Variants in CES5A observed in about 807,000 individuals in gnomAD.
CES5A encodes carboxylesterase 5.
Under a neutral mutation model 62.9 loss-of-function variants are expected in CES5A, and 67 were observed. The ratio of observed to expected loss-of-function variants is 1.07; its 90% CI spans 0.88 to 1.31. The LOEUF is 1.31. Among genes scored for constraint, CES5A ranks in the 50% most tolerant of loss-of-function variants. The pLI, the probability that CES5A is intolerant of heterozygous loss-of-function variation, is 0.00. For synonymous variants in CES5A, 296 were observed against 280.8 expected (o/e 1.05, Z -0.54); for missense variants, 748 against 708.5 (o/e 1.06, Z -0.63).
upstream of CES5A, among the ~76,000 whole-genome samples, chr16:55,879,863 G>A: frequency 6.6e-6 from 1 of 152,224 alleles, no homozygotes; most frequent in Non-Finnish European, 1.5e-5. Context: ...AAAGCTCTGG[G>A]ATTACAGGGG....
chr16:55,869,335 T>A (rs77337886), intron 4 of CES5A: 1 of 366,244 alleles, frequency 2.7e-6, no homozygotes, highest in East Asian at 6.5e-5. Flanking sequence ...CAAGATGTGA[T>A]GAGCCAGATC....
intron 11 of CES5A, among the ~76,000 whole-genome samples, 187 bp downstream of exon 11, chr16:55,849,437 C>G (rs1173431152): frequency 2.0e-5 from 3 of 152,100 alleles, no homozygotes; most frequent in Non-Finnish European, 4.4e-5. Context: ...CATCAAGCAA[C>G]TGTCATGGCA....
At chr16:55,890,205 TAAG>T (rs1228645566) in intron 1 of CES5A, among the ~76,000 whole-genome samples, 2 of 150,906 alleles carry the variant, frequency 1.3e-5, no homozygotes, top group Non-Finnish European at 3.0e-5. Flanking sequence ...GCAGAAAGCT[TAAG>T]AAGAATTCCA....
At chr16:55,885,907 T>C (rs2033810659) in intron 1 of CES5A, among the ~76,000 whole-genome samples, 1 of 152,232 alleles carries the variant, frequency 6.6e-6, no homozygotes, top group Non-Finnish European at 1.5e-5. Flanking sequence ...CAAGCACATT[T>C]GGTACATTAG....
intron 10 of CES5A, among the ~76,000 whole-genome samples, chr16:55,850,601 A>G (rs1304415582): frequency 6.6e-6 from 1 of 152,220 alleles, no homozygotes; most frequent in Non-Finnish European, 1.5e-5. Context: ...GTAAGTATAT[A>G]CTGAATTTTG....
chr16:55,879,414 T>C (rs1208833488), upstream of CES5A, among the ~76,000 whole-genome samples: 3 of 150,646 alleles, frequency 2.0e-5, no homozygotes, highest in African/African-American at 4.9e-5. Context: ...TTCATCACTG[T>C]ACCCCACCTC....
chr16:55,882,269 C>G (rs554160497), intron 1 of CES5A, among the ~76,000 whole-genome samples: 1 of 152,272 alleles, frequency 6.6e-6, no homozygotes, highest in African/African-American at 2.4e-5. Flanking sequence ...GACTTATCTC[C>G]TAATGGAAAG....
chr16:55,946,850 T>C (rs1009762517), intron 2 of CES5A, among the ~76,000 whole-genome samples: 4 of 152,228 alleles, frequency 2.6e-5, no homozygotes, highest in Non-Finnish European at 5.9e-5. Context: ...CCTCAGTTCT[T>C]GGACCACCAG....
rs539590082 is a variant in CES5A at position 55,846,477 on chromosome 16, G to T, written c.1702C>A (p.Pro568Thr). The change falls in exon 13 of 13, where the codon CCT (proline) becomes ACT (threonine). Residue 568 changes from proline to threonine, a missense_variant. Pro to Thr is a conservative substitution (Grantham distance 38). Transcript: ENST00000290567. ...CAAGGAGCACAAAAGAAAAAGAAAGGCTGGAGGAGAGAGAGGAAAGTTAAG... is the reference window on the plus strand; with the variant it reads ...CAAGGAGCACAAAAGAAAAAGAAAGTCTGGAGGAGAGAGAGGAAAGTTAAG... ...SSLTFLSLLQPFFFFCAP is the reference protein window; with the variant it reads ...SSLTFLSLLQTFFFFCAP 2.2e-5 allele frequency: 36 copies of T among 1,613,764 alleles called. No homozygotes were observed. In the South Asian group the frequency reaches 3.7e-4, roughly 17 times the overall value.
At chr16:55,862,197 C>G (rs1190095811) in intron 6 of CES5A, among the ~76,000 whole-genome samples, 1 of 152,186 alleles carries the variant, frequency 6.6e-6, no homozygotes, top group Non-Finnish European at 1.5e-5. Flanking sequence ...TGAACATCTG[C>G]TTTCCTTGTC....
chr16:55,955,924 C>T, exon 1 of CES5A: 2 of 1,535,394 alleles, frequency 1.3e-6, no homozygotes, highest in Non-Finnish European at 1.7e-6. Flanking sequence ...CCTCAGCATC[C>T]CAGCTGGCCT....
upstream of CES5A, among the ~76,000 whole-genome samples, chr16:55,926,082 A>C (rs970752365): frequency 3.3e-5 from 5 of 152,174 alleles, no homozygotes; most frequent in African/African-American, 9.6e-5. Context: ...ATAGTTTATA[A>C]CATTCTATCA....
intron 1 of CES5A, among the ~76,000 whole-genome samples, chr16:55,923,706 C>A (rs2034231782): frequency 6.6e-6 from 1 of 151,484 alleles, no homozygotes; most frequent in South Asian, 2.1e-4. Flanking sequence ...AATACGGACA[C>A]AATGAAAAAA....
upstream of CES5A, among the ~76,000 whole-genome samples, chr16:55,877,981 A>G (rs2033715882): frequency 1.3e-5 from 2 of 152,214 alleles, no homozygotes; most frequent in South Asian, 4.1e-4. Flanking sequence ...ATGAAAAATT[A>G]CTCAATCTTC....
At position 55,900,116 on chromosome 16, in the gene CES5A, T is replaced by G. The variant is rs2033975808; in HGVS notation, c.-256+25207A>C. Among the ~76,000 whole-genome samples, 4 of 152,236 alleles carry G rather than the reference T, an allele frequency of 2.6e-5. No individual in the cohort carries two copies. The South Asian group carries it at 8.3e-4, about 32-fold the overall frequency. On this transcript the variant is annotated intron_variant, in intron 1 of 12. Coordinates refer to the CES5A transcript ENST00000518005. ...CCCCCCTTCATCCCTAGGGACCCTC[T>G]CTGTCAACACAGAAGCCTGACCTCC...
At chr16:55,929,941 A>G (rs2034292251), upstream of CES5A, among the ~76,000 whole-genome samples, 1 of 151,958 alleles carries the variant, frequency 6.6e-6, no homozygotes, top group African/African-American at 2.4e-5. Flanking sequence ...TCAGTTCTGT[A>G]AAACCCAATT....
chr16:55,952,361 G>A (rs1319179468), intron 1 of CES5A, among the ~76,000 whole-genome samples: 1 of 151,936 alleles, frequency 6.6e-6, no homozygotes, highest in African/African-American at 2.4e-5. Flanking sequence ...AGTTCAAGAA[G>A]TTAGAAAGAG....
At chr16:55,866,258 G>A (rs1321502271) in intron 4 of CES5A, 142 bp from the exon 5 acceptor site, 11 of 661,616 alleles carry the variant, frequency 1.7e-5, no homozygotes, top group South Asian at 7.9e-5. Flanking sequence ...TGGGGAAACC[G>A]GACTCAGTTC....
intron 2 of CES5A, among the ~76,000 whole-genome samples, chr16:55,947,270 G>C (rs1170801395): frequency 1.3e-5 from 2 of 152,164 alleles, no homozygotes; most frequent in Non-Finnish European, 2.9e-5. Context: ...TGATCATCTT[G>C]TCCCACCCCC....
Sources: gnomAD v4.1 joint callset for allele counts (sites outside exome capture counted in the v4.1 genomes callset) on GRCh38, gnomAD v4.1.1 for gene constraint, MANE v1.5 for transcripts, NCBI Gene and HGNC (gene_info 2026-07-23, HGNC 2026-07-21) for gene names.